Variants in TASP1 observed in about 807,000 individuals in gnomAD.
TASP1 encodes the protein threonine aspartase 1.
Under a neutral mutation model 56.6 loss-of-function variants are expected in TASP1, and 16 were observed. That is an observed-to-expected ratio of 0.28 (90% CI 0.19 to 0.43). The LOEUF is 0.43. Ranked by LOEUF, TASP1 falls within the 20% of genes least tolerant of loss-of-function variation. The pLI, the probability that TASP1 is intolerant of heterozygous loss-of-function variation, is 1.00. For missense variants in TASP1, 393 were observed against 511.6 expected (o/e 0.77, Z 2.24); for synonymous variants, 179 against 184.2 (o/e 0.97, Z 0.23).
chr20:13,203,708 GC>G, the TASP1 span, among the ~76,000 whole-genome samples: 1 of 152,126 alleles, frequency 6.6e-6, no homozygotes, highest in Non-Finnish European at 1.5e-5. Flanking sequence ...TTCTCTTCAT[GC>G]CACAACTTGC....
the TASP1 span, among the ~76,000 whole-genome samples, chr20:13,290,415 C>T: frequency 5.3e-5 from 8 of 152,084 alleles, no homozygotes; most frequent in East Asian, 1.9e-4. Context: ...TTTGGGAGGC[C>T]GAGGCGGGCA....
rs936739449 is a variant in TASP1 at position 13,604,983 on chromosome 20, AATACATATATATAT to A, written c.283-17627_283-17614del. On this transcript the variant is annotated intron_variant, in intron 4 of 13. Coordinates refer to ENST00000337743, the MANE Select transcript of TASP1 (RefSeq NM_017714.3). Reference sequence around the variant, plus strand: ...TCACATAAAGTCTACATAAAGACATAATACATATATATATATATATATATATATATGTATTTCTT... The same window carrying A: ...TCACATAAAGTCTACATAAAGACATAATATATATATATATATGTATTTCTT... 9.6e-5 allele frequency among the ~76,000 whole-genome samples: 10 copies of A among 103,928 alleles called. No homozygotes were observed. In the Admixed American group the frequency reaches 1.2e-3, roughly 12 times the overall value. 68.2% of individuals were successfully genotyped at this position (103,928 alleles called of 152,430 possible). A position where few individuals can be genotyped will look rare whatever the true frequency, so the allele number is the denominator to read the frequency against.
intron 2 of TASP1, among the ~76,000 whole-genome samples, chr20:13,629,176 G>A (rs761082980): frequency 8.6e-5 from 13 of 152,006 alleles, no homozygotes; most frequent in Non-Finnish European, 1.6e-4. Flanking sequence ...GACCCACCTG[G>A]CCAATATGGT....
rs577500907 is a variant in TASP1 at position 13,397,567 on chromosome 20, T to C, written c.1171-7115A>G. Among the ~76,000 whole-genome samples the C allele has an allele frequency of 9.2e-5, 14 of 152,330 alleles. No individual in the cohort carries two copies. The East Asian group carries it at 2.7e-3, about 29-fold the overall frequency. On this transcript the variant is annotated intron_variant, in intron 13 of 13. Transcript: ENST00000337743. ...GAAGACTTACCATGAAGGAGGATTC[T>C]AAATCTGGCTCTGTTAAGAGACATG...
chr20:13,611,134 C>G (rs1307583087), intron 4 of TASP1, among the ~76,000 whole-genome samples: 6 of 152,138 alleles, frequency 3.9e-5, no homozygotes, highest in Non-Finnish European at 7.3e-5. Flanking sequence ...ATATTATCCA[C>G]AAAACAGCAA....
intron 6 of TASP1, among the ~76,000 whole-genome samples, chr20:13,572,759 A>G (rs1046068450): frequency 6.6e-5 from 10 of 151,884 alleles, no homozygotes; most frequent in Middle Eastern, 3.4e-3. Context: ...GAAACGGACT[A>G]TCTGGGCAAA....
chr20:13,362,981 T>C, the TASP1 span, among the ~76,000 whole-genome samples: 1 of 151,932 alleles, frequency 6.6e-6, no homozygotes, highest in African/African-American at 2.4e-5. Flanking sequence ...AATACCCTTG[T>C]AGATTGGGGT....
intron 13 of TASP1, among the ~76,000 whole-genome samples, chr20:13,407,781 T>C (rs1212106266): frequency 6.6e-6 from 1 of 152,212 alleles, no homozygotes; most frequent in Non-Finnish European, 1.5e-5. Context: ...TTGTTGGATG[T>C]GAAGTGGTAT....
chr20:13,638,781 G>A, intron 1 of TASP1, 113 bp downstream of exon 1: 1 of 152,464 alleles, frequency 6.6e-6, no homozygotes, highest in Non-Finnish European at 1.5e-5. Flanking sequence ...CCTGCGCGCC[G>A]CCCCCTCTCG....
chr20:13,509,793 A>G (rs1049939130), intron 10 of TASP1, among the ~76,000 whole-genome samples: 1 of 152,002 alleles, frequency 6.6e-6, no homozygotes, highest in African/African-American at 2.4e-5. Context: ...CGCCCGGCTA[A>G]TTTTTGTATT....
intron 11 of TASP1, among the ~76,000 whole-genome samples, chr20:13,476,596 G>T (rs1039459724): frequency 6.6e-6 from 1 of 151,916 alleles, no homozygotes; most frequent in South Asian, 2.1e-4. Flanking sequence ...AAGTTTTTTT[G>T]ATAGCAAGGC....
chr20:13,392,963 A>G (rs769568672), intron 13 of TASP1: 78 of 599,808 alleles, frequency 1.3e-4, no homozygotes, highest in Non-Finnish European at 1.9e-4. Context: ...TACATTATGG[A>G]GCCCACCAGT....
At chr20:13,256,034 G>A in the TASP1 span, among the ~76,000 whole-genome samples, 1 of 152,034 alleles carries the variant, frequency 6.6e-6, no homozygotes, top group African/African-American at 2.4e-5. Flanking sequence ...CAGCCAGTAG[G>A]AGAGCATCAG....
the TASP1 span, among the ~76,000 whole-genome samples, chr20:13,277,143 G>GA: frequency 8.0e-5 from 12 of 149,594 alleles, no homozygotes; most frequent in South Asian, 6.4e-4. Context: ...GCAGTTTGGA[G>GA]AAAAAAAAAA....
chr20:13,183,961 A>C, the TASP1 span, among the ~76,000 whole-genome samples: 23 of 151,480 alleles, frequency 1.5e-4, no homozygotes, highest in South Asian at 4.8e-3. Flanking sequence ...CCCAGGAGGC[A>C]GAGCTTGCAG....
chr20:13,173,122 A>G, the TASP1 span, among the ~76,000 whole-genome samples: 1 of 152,172 alleles, frequency 6.6e-6, no homozygotes, highest in Non-Finnish European at 1.5e-5. Flanking sequence ...ACCCTGTATG[A>G]TGATTGACTT....
chr20:13,334,269 G>A, the TASP1 span, among the ~76,000 whole-genome samples: 18 of 152,330 alleles, frequency 1.2e-4, no homozygotes, highest in Non-Finnish European at 2.4e-4. Context: ...GAGAGAGAGT[G>A]GAACTAATAT....
chr20:13,321,814 A>AGT, the TASP1 span, among the ~76,000 whole-genome samples: 1 of 152,182 alleles, frequency 6.6e-6, no homozygotes, highest in Non-Finnish European at 1.5e-5. Context: ...GGAATGTCGA[A>AGT]GTGTGTGTAG....
chr20:13,278,938 G>A, the TASP1 span, among the ~76,000 whole-genome samples: 6 of 152,140 alleles, frequency 3.9e-5, no homozygotes, highest in Admixed American at 6.5e-5. Flanking sequence ...CTTACATAGC[G>A]GTTAGAACAT....
Sources: allele counts gnomAD v4.1 joint callset (sites outside exome capture counted in the v4.1 genomes callset), GRCh38; gene constraint gnomAD v4.1.1; transcripts MANE v1.5; gene names NCBI Gene and HGNC (gene_info 2026-07-23, HGNC 2026-07-21).